Variants in MBD2 observed in about 807,000 individuals in gnomAD.
MBD2 encodes methyl-CpG-binding domain protein 2.
Under a neutral mutation model 39.3 loss-of-function variants are expected in MBD2, and 9 were observed. The ratio of observed to expected loss-of-function variants is 0.23; its 90% CI spans 0.14 to 0.40. The LOEUF is 0.40. Ranked by LOEUF, MBD2 falls within the 10% of genes least tolerant of loss-of-function variation. MBD2 has a pLI of 1.00. For missense variants in MBD2, 458 were observed against 532.6 expected, an observed-to-expected ratio of 0.86 and a Z score of 1.38; for synonymous variants, 233 against 211.1, an observed-to-expected ratio of 1.10 and a Z score of -0.90.
intron 2 of MBD2, among the ~76,000 whole-genome samples, chr18:54,194,896 G>A (rs916770275): frequency 9.2e-5 from 14 of 152,072 alleles, no homozygotes; most frequent in African/African-American, 3.4e-4. Flanking sequence ...AGAACTGACT[G>A]TGCCTGAGTC....
intron 6 of MBD2, among the ~76,000 whole-genome samples, chr18:54,157,768 C>T (rs1013928459): frequency 6.6e-6 from 1 of 152,320 alleles, no homozygotes; most frequent in South Asian, 2.1e-4. Context: ...CCCTACCAAA[C>T]AGAGTTCCCT....
chr18:54,164,631 G>C lies in MBD2; in HGVS notation c.1001C>G (p.Ala334Gly). ...AGCGGAGACTTGCCCTGTGATTGGC[G>C]CAGAGCTTGTGTGCAAAGCACTGGC... Reference protein sequence around the residue: ...AVASALHTSSAPITGQVSAAV... With the variant: ...AVASALHTSSGPITGQVSAAV... Residue 334 changes from alanine to glycine, a missense_variant, in exon 5 of 7, where the codon GCG becomes GGG. Ala to Gly is a moderately conservative substitution (Grantham distance 60, BLOSUM62 0). Coordinates refer to ENST00000256429, the MANE Select transcript of MBD2 (RefSeq NM_003927.5). The C allele has an allele frequency of 6.2e-7, 1 of 1,614,114 alleles. No individual in the cohort carries two copies. The highest frequency in any genetic ancestry group is 2.2e-5 in the East Asian group (1 of 44,882).
At chr18:54,195,044 AAAT>A (rs1179928549) in intron 2 of MBD2, among the ~76,000 whole-genome samples, 1 of 152,078 alleles carries the variant, frequency 6.6e-6, no homozygotes, top group Non-Finnish European at 1.5e-5. Context: ...ATTACAGAAA[AAAT>A]AATGTGTACT....
chr18:54,218,496 T>A (rs2086581029), intron 1 of MBD2, among the ~76,000 whole-genome samples: 1 of 152,192 alleles, frequency 6.6e-6, no homozygotes, highest in African/African-American at 2.4e-5. Flanking sequence ...CAAGTAGGGA[T>A]CTCTATGCCA....
intron 3 of MBD2, among the ~76,000 whole-genome samples, chr18:54,176,345 A>C (rs942260601): frequency 6.6e-6 from 1 of 152,272 alleles, no homozygotes; most frequent in Non-Finnish European, 1.5e-5. Flanking sequence ...GGTTATCAAA[A>C]CACTAATAAA....
chr18:54,180,897 C>CTTTTTTATTTTTTTTTTTTTTTT (rs1211071727), intron 3 of MBD2, among the ~76,000 whole-genome samples: 1 of 105,372 alleles, frequency 9.5e-6, no homozygotes, highest in Non-Finnish European at 1.8e-5. Flanking sequence ...TTAATTTTTT[C>CTTTTTTATTTTTTTTTTTTTTTT]TTTTTCTTTT....
intron 1 of MBD2, 137 bp downstream of exon 1, chr18:54,223,881 G>A (rs2086635456): frequency 1.5e-6 from 1 of 674,424 alleles, no homozygotes; most frequent in Non-Finnish European, 2.3e-6. Context: ...CAAGGGTTCC[G>A]CCACCTTCCA....
intron 2 of MBD2, among the ~76,000 whole-genome samples, chr18:54,189,807 A>G (rs2144311766): frequency 6.6e-6 from 1 of 151,914 alleles, no homozygotes; most frequent in East Asian, 1.9e-4. Flanking sequence ...TGCCACCAGC[A>G]GGCTAAGTTT....
intron 1 of MBD2, among the ~76,000 whole-genome samples, chr18:54,216,783 A>G (rs1376036517): frequency 2.6e-5 from 4 of 152,178 alleles, no homozygotes; most frequent in Non-Finnish European, 1.5e-5. Context: ...AAAGGGGATG[A>G]TGGGCCAGGC....
intron 3 of MBD2, among the ~76,000 whole-genome samples, chr18:54,184,422 C>T (rs539588952): frequency 9.2e-5 from 14 of 152,288 alleles, no homozygotes; most frequent in African/African-American, 3.4e-4. Flanking sequence ...AAACCATCCC[C>T]CTCGCCCTCA....
At chr18:54,214,344 G>A (rs1599110126) in intron 1 of MBD2, among the ~76,000 whole-genome samples, 1 of 151,890 alleles carries the variant, frequency 6.6e-6, no homozygotes, top group South Asian at 2.1e-4. Flanking sequence ...TACAGGCTCA[G>A]GCCAACATGC....
chr18:54,223,060 A>G (rs965013599), intron 1 of MBD2, among the ~76,000 whole-genome samples: 7 of 152,234 alleles, frequency 4.6e-5, no homozygotes, highest in African/African-American at 1.7e-4. Context: ...ACGTACCTCC[A>G]AACTACTGAA....
At chr18:54,220,081 G>A (rs570471094) in intron 1 of MBD2, among the ~76,000 whole-genome samples, 3 of 152,326 alleles carry the variant, frequency 2.0e-5, no homozygotes, top group East Asian at 1.9e-4. Context: ...GATTACAGGC[G>A]TGAGCCACAG....
intron 1 of MBD2, among the ~76,000 whole-genome samples, chr18:54,208,924 T>G (rs932694522): frequency 6.6e-6 from 1 of 152,236 alleles, no homozygotes; most frequent in Admixed American, 6.5e-5. Context: ...TGATCACTTA[T>G]GTTTATCATC....
intron 2 of MBD2, among the ~76,000 whole-genome samples, chr18:54,199,253 T>C (rs2086388437): frequency 6.6e-6 from 1 of 152,220 alleles, no homozygotes. Context: ...ACTGGTAAAG[T>C]CACCAGTTGC....
intron 1 of MBD2, among the ~76,000 whole-genome samples, chr18:54,208,816 C>T (rs1176698874): frequency 1.3e-5 from 2 of 152,194 alleles, no homozygotes; most frequent in African/African-American, 4.8e-5. Flanking sequence ...CACAATGTTC[C>T]TCTACAGAAC....
In MBD2 at chr18:54,224,359, C is replaced by T. The variant is rs2086644174; in HGVS notation, c.201G>A (p.Ala67=). Residue 67 remains alanine, a synonymous_variant, in exon 1 of 7, where the codon GCG becomes GCA. Coordinates refer to ENST00000256429, the MANE Select transcript of MBD2 (RefSeq NM_003927.5). ...GGRGRGRWKQ[A]GRGGGVCGRG... ...GGCCACAGACGCCGCCGCCCCGGCCCGCCTGCTTCCACCGCCCCCGGCCAC... is the reference window on the plus strand; with the variant it reads ...GGCCACAGACGCCGCCGCCCCGGCCTGCCTGCTTCCACCGCCCCCGGCCAC... 1.7e-6 allele frequency: 2 copies of T among 1,173,594 alleles called. No individual in the cohort carries two copies. Among genetic ancestry groups the T allele is most frequent in the Non-Finnish European group, 2.1e-6 (2 of 949,484 alleles). 72.7% of individuals were successfully genotyped at this position (1,173,594 alleles called of 1,614,324 possible).
At chr18:54,192,116 A>G (rs940852040) in intron 2 of MBD2, among the ~76,000 whole-genome samples, 2 of 152,214 alleles carry the variant, frequency 1.3e-5, no homozygotes, top group African/African-American at 4.8e-5. Flanking sequence ...CCAACCTGTT[A>G]ACAACAGTAG....
At chr18:54,212,473 T>G (rs924468900) in intron 1 of MBD2, among the ~76,000 whole-genome samples, 1 of 152,168 alleles carries the variant, frequency 6.6e-6, no homozygotes, top group Non-Finnish European at 1.5e-5. Flanking sequence ...AATACTTATT[T>G]ATGAATGAAC....
Sources: allele counts gnomAD v4.1 joint callset (sites outside exome capture counted in the v4.1 genomes callset), GRCh38; gene constraint gnomAD v4.1.1; transcripts MANE v1.5; gene names NCBI Gene and HGNC (gene_info 2026-07-23, HGNC 2026-07-21).